The following CERKL variants were observed in gnomAD, a reference collection of about 807,000 sequenced individuals.
CERKL encodes CERK like autophagy regulator, also known as ceramide kinase-like protein.
In CERKL, 61 loss-of-function variants were observed where a neutral mutation model predicts 63.4. That is an observed-to-expected ratio of 0.96 (90% CI 0.78 to 1.19). The LOEUF is 1.19. Ranked by LOEUF, CERKL falls within the 50% of genes most tolerant of loss-of-function variation. The probability of loss-of-function intolerance (pLI) is 0.00; values close to 1 mark genes in which losing one functional copy is unlikely to be tolerated. For missense variants in CERKL, 675 were observed against 655.5 expected (o/e 1.03, Z -0.33); for synonymous variants, 250 against 230.5 (o/e 1.08, Z -0.77).
intron 2 of CERKL, among the ~76,000 whole-genome samples, chr2:181,593,371 A>G (rs1332381261): frequency 1.3e-5 from 2 of 152,170 alleles, no homozygotes; most frequent in African/African-American, 4.8e-5. Flanking sequence ...TGACAGATTT[A>G]CTAATATCCG....
chr2:181,536,928 A>G lies in CERKL; in HGVS notation c.*1256T>C, dbSNP rs560233657. The G allele has an allele frequency of 2.4e-4, 109 of 453,632 alleles. No homozygotes were observed. Among genetic ancestry groups the G allele is most frequent in the African/African-American group, 2.1e-3 (105 of 50,086 alleles). 28.1% of individuals were successfully genotyped at this position (453,632 alleles called of 1,614,324 possible). A position where few individuals can be genotyped will look rare whatever the true frequency, so the allele number is the denominator to read the frequency against. On this transcript the variant is annotated 3_prime_UTR_variant, in exon 13 of 13. Transcript: ENST00000410087. ...CAATGTGGAAAAACAATTCTGGGAAAGATTTCTTTATATGAAGTCCCTGCC... is the reference window on the plus strand; with the variant it reads ...CAATGTGGAAAAACAATTCTGGGAAGGATTTCTTTATATGAAGTCCCTGCC...
At chr2:181,565,811 T>G (rs1274267252) in intron 4 of CERKL, among the ~76,000 whole-genome samples, 5 of 152,172 alleles carry the variant, frequency 3.3e-5, no homozygotes, top group Non-Finnish European at 5.9e-5. Context: ...TATAGAGTAG[T>G]ACACTGTCAT....
intron 1 of CERKL, among the ~76,000 whole-genome samples, chr2:181,644,592 C>A (rs1485805826): frequency 6.6e-6 from 1 of 152,168 alleles, no homozygotes; most frequent in Non-Finnish European, 1.5e-5. Flanking sequence ...ATGGAACCTT[C>A]CTGCCATGAA....
intron 1 of CERKL, chr2:181,617,320 C>T (rs1013013971): frequency 1.3e-5 from 2 of 152,178 alleles, no homozygotes; most frequent in Non-Finnish European, 2.9e-5. Context: ...ATTTCAGTCG[C>T]AGCTGAACTA....
intron 5 of CERKL, among the ~76,000 whole-genome samples, chr2:181,555,353 T>C (rs1161768451): frequency 6.6e-6 from 1 of 152,134 alleles, no homozygotes; most frequent in African/African-American, 2.4e-5. Context: ...GGTCAAGAAA[T>C]AAAATGCCAT....
At chr2:181,636,474 A>G (rs1464790893) in intron 1 of CERKL, among the ~76,000 whole-genome samples, 1 of 152,030 alleles carries the variant, frequency 6.6e-6, no homozygotes, top group Non-Finnish European at 1.5e-5. Context: ...TACCAAAAAA[A>G]AAAACAGAAA....
At position 181,579,850 on chromosome 2, in the gene CERKL, C is replaced by T. The variant is rs139985818; in HGVS notation, c.482-5966G>A. Among the ~76,000 whole-genome samples the T allele has an allele frequency of 9.0e-4, 136 of 151,888 alleles. 1 individual carries two copies. Among genetic ancestry groups the T allele is most frequent in the African/African-American group, 3.1e-3 (128 of 41,288 alleles). On this transcript the variant is annotated intron_variant, in intron 2 of 12. Coordinates refer to ENST00000410087, the MANE Select transcript of CERKL (RefSeq NM_201548.5). Reference sequence around the variant, plus strand: ...TTATTCATTGGAAAATCCATCTTTCCCCACAGATTTTAAATGCCACCTTTA... The same window carrying T: ...TTATTCATTGGAAAATCCATCTTTCTCCACAGATTTTAAATGCCACCTTTA...
At chr2:181,540,260 A>T (rs1687439542) in intron 11 of CERKL, among the ~76,000 whole-genome samples, 1 of 151,990 alleles carries the variant, frequency 6.6e-6, no homozygotes, top group Admixed American at 6.6e-5. Context: ...ACTGCGTTAG[A>T]CCTCCTACCT....
intron 2 of CERKL, among the ~76,000 whole-genome samples, chr2:181,590,100 G>T (rs1268120235): frequency 1.3e-5 from 2 of 151,916 alleles, no homozygotes; most frequent in Non-Finnish European, 2.9e-5. Context: ...GAGATTACAG[G>T]AATGAGCCAC....
rs756939254 is a variant in CERKL, at chr2:181,565,503, G to A, written c.677+555C>T. On this transcript the variant is annotated intron_variant, in intron 4 of 12. Coordinates refer to ENST00000410087, the MANE Select transcript of CERKL (RefSeq NM_201548.5). The stretch of plus-strand genomic sequence containing the variant: ...CAATGTATTGCGAACAATGGTTTCC[G>A]ATGCCCACTGTGAATAACATACCTA... 14 of 1,607,108 alleles carry A rather than the reference G, an allele frequency of 8.7e-6. No homozygotes were observed. The highest frequency in any genetic ancestry group is 4.0e-5 in the African/African-American group (3 of 74,796).
intron 2 of CERKL, among the ~76,000 whole-genome samples, chr2:181,592,851 A>G (rs1685045027): frequency 6.6e-6 from 1 of 152,202 alleles, no homozygotes; most frequent in South Asian, 2.1e-4. Flanking sequence ...TGACACACCA[A>G]GAAATCATGA....
intron 2 of CERKL, among the ~76,000 whole-genome samples, chr2:181,583,112 GTTGCGAA>G (rs1684602887): frequency 6.6e-6 from 1 of 150,976 alleles, no homozygotes; most frequent in Admixed American, 6.6e-5. Flanking sequence ...AATAACCCCA[GTTGCGAA>G]GTAACATCCA....
chr2:181,593,802 A>G (rs1685082514), intron 2 of CERKL, among the ~76,000 whole-genome samples: 1 of 151,866 alleles, frequency 6.6e-6, no homozygotes, highest in Non-Finnish European at 1.5e-5. Flanking sequence ...ATACTTGACA[A>G]TAATATACTT....
intron 1 of CERKL, among the ~76,000 whole-genome samples, chr2:181,630,186 C>T (rs1445297190): frequency 6.6e-6 from 1 of 151,956 alleles, no homozygotes; most frequent in African/African-American, 2.4e-5. Context: ...TAGAGGTGAA[C>T]GCCACCAAGC....
At chr2:181,539,351 T>G in intron 11 of CERKL, 87 bp from the exon 12 acceptor site, 1 of 845,136 alleles carries the variant, frequency 1.2e-6, no homozygotes, top group Non-Finnish European at 2.0e-6. Flanking sequence ...CTCTCACAAG[T>G]AAATATCAGC....
intron 1 of CERKL, among the ~76,000 whole-genome samples, chr2:181,644,285 T>C (rs1312013579): frequency 1.3e-5 from 2 of 152,364 alleles, no homozygotes; most frequent in African/African-American, 2.4e-5. Context: ...CCTTTCACAC[T>C]TGACTTCAAA....
chr2:181,546,053 A>G (rs1406452652), intron 10 of CERKL, among the ~76,000 whole-genome samples: 1 of 152,216 alleles, frequency 6.6e-6, no homozygotes, highest in African/African-American at 2.4e-5. Flanking sequence ...CTGAATCATC[A>G]GAAGCTACAT....
In CERKL at chr2:181,537,486, ATTC is replaced by A. The variant is rs1044481583; in HGVS notation, c.*695_*697del. On this transcript the variant is annotated 3_prime_UTR_variant, in exon 13 of 13. Coordinates refer to ENST00000410087, the MANE Select transcript of CERKL (RefSeq NM_201548.5). ...CACTTTAAGAAGACAGGGATGGGTT[ATTC>A]TTTTTTGGCAGGTAGGCTATATAAC... The A allele has an allele frequency of 6.6e-6, 3 of 453,104 alleles. No homozygotes were observed. The highest frequency in any genetic ancestry group is 4.7e-5 in the Admixed American group (2 of 42,498). 28.1% of individuals were successfully genotyped at this position (453,104 alleles called of 1,614,324 possible). A position where few individuals can be genotyped will look rare whatever the true frequency, so the allele number is the denominator to read the frequency against.
intron 2 of CERKL, among the ~76,000 whole-genome samples, chr2:181,592,751 C>T (rs1685040976): frequency 6.6e-6 from 1 of 152,072 alleles, no homozygotes; most frequent in Admixed American, 6.6e-5. Context: ...AGCTGCATGA[C>T]CTTATCTGTA....
Sources: gnomAD v4.1 joint callset for allele counts (sites outside exome capture counted in the v4.1 genomes callset) on GRCh38, gnomAD v4.1.1 for gene constraint, MANE v1.5 for transcripts, NCBI Gene and HGNC (gene_info 2026-07-23, HGNC 2026-07-21) for gene names.